Variants in TENM3 observed in about 807,000 individuals in gnomAD.
TENM3 encodes teneurin transmembrane protein 3.
In TENM3, 63 loss-of-function variants were observed where a neutral mutation model predicts 255.1. The ratio of observed to expected loss-of-function variants is 0.25; its 90% CI spans 0.20 to 0.30. The LOEUF (loss-of-function observed/expected upper bound fraction) is 0.30. Among genes scored for constraint, TENM3 ranks in the 10% least tolerant of loss-of-function variants. The pLI, the probability that TENM3 is intolerant of heterozygous loss-of-function variation, is 1.00. For synonymous variants in TENM3, 1,306 were observed against 1,322.3 expected (o/e 0.99, Z 0.27); for missense variants, 2,929 against 3,461.1 (o/e 0.85, Z 3.86).
chr4:181,928,454 A>G, the TENM3 span, among the ~76,000 whole-genome samples: 5 of 151,970 alleles, frequency 3.3e-5, no homozygotes, highest in Non-Finnish European at 7.4e-5. Flanking sequence ...AACTTGATGA[A>G]ATAAAGCAGG....
intron 5 of TENM3, among the ~76,000 whole-genome samples, chr4:182,653,305 C>G (rs965690698): frequency 6.6e-6 from 1 of 152,138 alleles, no homozygotes; most frequent in Admixed American, 6.5e-5. Flanking sequence ...CCAACAAATT[C>G]ATCTGTGAGA....
the TENM3 span, among the ~76,000 whole-genome samples, chr4:181,753,740 G>T: frequency 2.2e-3 from 330 of 152,284 alleles, 2 homozygotes; most frequent in African/African-American, 7.4e-3. Flanking sequence ...CAAAAGAAAT[G>T]TTTTAGGTAC....
chr4:182,684,667 A>T (rs1756439805), intron 11 of TENM3, among the ~76,000 whole-genome samples: 1 of 152,166 alleles, frequency 6.6e-6, no homozygotes, highest in Non-Finnish European at 1.5e-5. Context: ...GACGTAGTAG[A>T]GGGTGGTGGT....
chr4:182,628,694 A>G lies in TENM3; in HGVS notation c.793A>G (p.Ser265Gly), dbSNP rs773042871. 1 of 1,605,438 alleles carries G rather than the reference A, an allele frequency of 6.2e-7. No individual in the cohort carries two copies. The highest frequency in any genetic ancestry group is 8.5e-7 in the Non-Finnish European group (1 of 1,175,866). Residue 265 changes from serine (S) to glycine (G), a missense_variant, in exon 5 of 28, where the codon AGT (serine) becomes GGT (glycine). By Grantham distance (56) the Ser-to-Gly change is moderately conservative (BLOSUM62 0). Around this residue, in one of 6 missense-constraint regions of TENM3, gnomAD observed 1,608 missense variants for 1,884.4 expected, o/e 0.85. Transcript: ENST00000511685. ...AGGAACAGGTACAACGCCACTGTTCAGTACTGCAACCCCAGGATACACAAT... is the reference window on the plus strand; with the variant it reads ...AGGAACAGGTACAACGCCACTGTTCGGTACTGCAACCCCAGGATACACAAT... Reference protein sequence around the residue: ...KTGTGTTPLFSTATPGYTMAS... With the variant: ...KTGTGTTPLFGTATPGYTMAS...
chr4:181,831,499 C>CG, the TENM3 span, among the ~76,000 whole-genome samples: 2 of 144,294 alleles, frequency 1.4e-5, no homozygotes, highest in African/African-American at 5.1e-5. Context: ...GCCTATGTGC[C>CG]AAAAAAAAAA....
the TENM3 span, among the ~76,000 whole-genome samples, chr4:181,603,289 G>A: frequency 5.3e-5 from 8 of 152,168 alleles, no homozygotes; most frequent in Non-Finnish European, 1.0e-4. Flanking sequence ...TTCAGTTGGA[G>A]ATCCTAATAG....
chr4:182,197,029 T>G (rs78421198), intron 1 of TENM3, among the ~76,000 whole-genome samples: 1 of 152,180 alleles, frequency 6.6e-6, no homozygotes, highest in South Asian at 2.1e-4. Flanking sequence ...ATCCTCGGAG[T>G]TGCTGTTGCA....
the TENM3 span, among the ~76,000 whole-genome samples, chr4:182,066,728 A>AGTGG: frequency 6.6e-6 from 1 of 151,704 alleles, no homozygotes; most frequent in African/African-American, 2.4e-5. Flanking sequence ...GGCTAACACC[A>AGTGG]TGAAACCCCG....
chr4:182,388,588 A>G (rs1197967685), intron 3 of TENM3, among the ~76,000 whole-genome samples: 1 of 152,200 alleles, frequency 6.6e-6, no homozygotes, highest in Non-Finnish European at 1.5e-5. Context: ...CAAGTCAAAA[A>G]TGCTCTGCTG....
chr4:181,543,839 A>T, the TENM3 span, among the ~76,000 whole-genome samples: 2 of 152,230 alleles, frequency 1.3e-5, no homozygotes, highest in African/African-American at 4.8e-5. Flanking sequence ...AACTAAAGTC[A>T]TATCAACAAA....
chr4:182,527,822 G>A (rs1447438656), intron 3 of TENM3, among the ~76,000 whole-genome samples: 3 of 152,106 alleles, frequency 2.0e-5, no homozygotes, highest in Non-Finnish European at 2.9e-5. Flanking sequence ...CTGCCTCCGG[G>A]GTTCAAGCAG....
the TENM3 span, among the ~76,000 whole-genome samples, chr4:182,058,258 TAGAC>T: frequency 6.6e-6 from 1 of 152,126 alleles, no homozygotes; most frequent in South Asian, 2.1e-4. Context: ...TCTGGGGCTG[TAGAC>T]AGTCGTATGG....
chr4:182,648,445 G>T (rs2152505220), intron 5 of TENM3, among the ~76,000 whole-genome samples: 1 of 152,030 alleles, frequency 6.6e-6, no homozygotes, highest in Non-Finnish European at 1.5e-5. Context: ...CACTACACTT[G>T]ATTAATTTTT....
intron 24 of TENM3, among the ~76,000 whole-genome samples, chr4:182,782,562 CT>C (rs1172622827): frequency 2.5e-5 from 2 of 81,086 alleles, no homozygotes; most frequent in East Asian, 6.9e-4. Flanking sequence ...CTGTAGATGT[CT>C]ATTAGGTCCA....
chr4:181,617,550 A>T, the TENM3 span, among the ~76,000 whole-genome samples: 1 of 152,168 alleles, frequency 6.6e-6, no homozygotes, highest in African/African-American at 2.4e-5. Flanking sequence ...TACAGAGCAG[A>T]CAGAGTGCAA....
upstream of TENM3, among the ~76,000 whole-genome samples, chr4:182,241,715 G>T (rs1241518492): frequency 6.6e-6 from 1 of 151,378 alleles, no homozygotes; most frequent in African/African-American, 2.4e-5. Context: ...TCCCATGTTG[G>T]TCAGGCTGGT....
At chr4:182,720,912 C>A (rs1205323270) in intron 13 of TENM3, among the ~76,000 whole-genome samples, 1 of 151,980 alleles carries the variant, frequency 6.6e-6, no homozygotes, top group African/African-American at 2.4e-5. Flanking sequence ...GAATTACAGG[C>A]GCTTGCCACC....
the TENM3 span, among the ~76,000 whole-genome samples, chr4:181,787,862 G>T: frequency 2.6e-5 from 4 of 152,090 alleles, no homozygotes; most frequent in African/African-American, 9.7e-5. Context: ...CTAGCCAAGC[G>T]TGGTAGTGGG....
At chr4:181,568,858 C>A in the TENM3 span, among the ~76,000 whole-genome samples, 2 of 152,064 alleles carry the variant, frequency 1.3e-5, no homozygotes, top group Non-Finnish European at 2.9e-5. Flanking sequence ...TGCCAAGGCA[C>A]CTATAAAGTT....
Sources: gnomAD v4.1 joint callset for allele counts (sites outside exome capture counted in the v4.1 genomes callset) on GRCh38, gnomAD v4.1.1 for gene constraint, gnomAD v4.1.1 regional missense constraint, MANE v1.5 for transcripts, NCBI Gene and HGNC (gene_info 2026-07-23, HGNC 2026-07-21) for gene names.